The following BAG5 variants were observed in gnomAD, a reference collection of about 807,000 sequenced individuals.
BAG5 encodes the protein BAG family molecular chaperone regulator 5.
In BAG5, 25 loss-of-function variants were observed where a neutral mutation model predicts 31.8. That is an observed-to-expected ratio of 0.79 (90% CI 0.57 to 1.10). BAG5 has a LOEUF of 1.10. Ranked by LOEUF, BAG5 falls within the 50% of genes least tolerant of loss-of-function variation. The probability of loss-of-function intolerance (pLI) is 0.00; values close to 1 mark genes in which losing one functional copy is unlikely to be tolerated. For missense variants in BAG5, 491 were observed against 527.9 expected (o/e 0.93, Z 0.68); for synonymous variants, 208 against 205.0 (o/e 1.01, Z -0.13).
chr14:103,560,123 A>G lies in BAG5; in HGVS notation c.1042T>C (p.Leu348=), dbSNP rs544517247. The G allele has an allele frequency of 6.2e-6, 10 of 1,614,080 alleles. No individual in the cohort carries two copies. In the African/African-American group the frequency reaches 1.2e-4, roughly 19 times the overall value. ...TTTCTTTTCTCAAGGGCCTCCTTCA[A>G]GTCAATATATGTGATCAGAGTTTGC... The part of the protein sequence containing the change: ...EVQTLITYID[L]KEALEKRKLF... Residue 348 remains leucine, a synonymous_variant, in exon 2 of 2, where the codon TTG becomes CTG. Coordinates refer to ENST00000299204, the MANE Select transcript of BAG5 (RefSeq NM_001015048.3).
intron 1 of BAG5, chr14:103,562,109 G>C (rs530175226): frequency 1.3e-6 from 1 of 799,488 alleles, no homozygotes; most frequent in Non-Finnish European, 2.2e-6. Flanking sequence ...CCCAAAAGAA[G>C]TCTGAATTGG....
At position 103,560,147 on chromosome 14, in the gene BAG5, G is replaced by A. The variant is rs1287044236; in HGVS notation, c.1018C>T (p.Gln340Ter). Residue 340 changes from glutamine to a stop codon, truncating the protein, a stop_gained, in exon 2 of 2, where the codon CAA (glutamine) becomes TAA (stop). Coordinates refer to ENST00000299204, the MANE Select transcript of BAG5 (RefSeq NM_001015048.3). LOFTEE classifies it high-confidence loss of function. ...EARRRAVIEV[Q>*]TLITYIDLKE... ...AAGTCAATATATGTGATCAGAGTTT[G>A]CACCTCGATCACTGCTCTTCTCCTG... 8 of 1,614,020 alleles carry A rather than the reference G, an allele frequency of 5.0e-6. No individual in the cohort carries two copies. Among genetic ancestry groups the A allele is most frequent in the Non-Finnish European group, 6.8e-6 (8 of 1,180,040 alleles).
intron 1 of BAG5, 21 bp from the exon 2 acceptor site, chr14:103,561,213 T>C (rs1192999536): frequency 6.4e-7 from 1 of 1,569,016 alleles, no homozygotes; most frequent in African/African-American, 1.4e-5. Flanking sequence ...ACAAGAATGA[T>C]AACTTACTAC....
rs776411664 is a variant in BAG5, at chr14:103,561,208, AATG to A, written c.-28-19_-28-17del. The A allele has an allele frequency of 1.3e-5, 20 of 1,575,162 alleles. No individual in the cohort carries two copies. In the African/African-American group the frequency reaches 1.4e-4, roughly 11 times the overall value. ...TTCACAAGCACTAAAAGACGACAAG[AATG>A]ATAACTTACTACAGCACAAGGCTTC... On this transcript the variant is annotated splice_polypyrimidine_tract_variant and intron_variant, in intron 1 of 1. Transcript: ENST00000299204.
At position 103,560,221 on chromosome 14, in the gene BAG5, C is replaced by T. The variant is rs370529663; in HGVS notation, c.944G>A (p.Gly315Glu). The T allele has an allele frequency of 1.9e-6, 3 of 1,614,020 alleles. No homozygotes were observed. In the African/African-American group the frequency reaches 4.0e-5, roughly 22 times the overall value. The change falls in exon 2 of 2, where the codon GGA (glycine) becomes GAA (glutamate). Residue 315 changes from glycine to glutamate, a missense_variant. Physicochemically the swap from Gly to Glu is moderately conservative, Grantham distance 98. Transcript: ENST00000299204. ...SSKTELQGLI[G>E]QLDEVSLEKN... Reference sequence around the variant, plus strand: ...TTCAAGACTTACCTCATCCAACTGTCCAATTAAACCCTGCAATTCTGTTTT... The same window carrying T: ...TTCAAGACTTACCTCATCCAACTGTTCAATTAAACCCTGCAATTCTGTTTT...
In BAG5 at chr14:103,560,786, T is replaced by A; in HGVS notation, c.379A>T (p.Ile127Phe). The A allele has an allele frequency of 6.2e-7, 1 of 1,614,132 alleles. No homozygotes were observed. The highest frequency in any genetic ancestry group is 8.5e-7 in the Non-Finnish European group (1 of 1,180,030). Residue 127 changes from isoleucine (I) to phenylalanine (F), a missense_variant, in exon 2 of 2, where the codon ATC (isoleucine) becomes TTC (phenylalanine). Coordinates refer to ENST00000299204, the MANE Select transcript of BAG5 (RefSeq NM_001015048.3). The part of the protein sequence containing the change: ...NCVTDEFEEG[I>F]QDIILRLTHV... ...GTCAGCCTCAGAATGATATCTTGGA[T>A]GCCTTCTTCAAACTCATCAGTTACG...
At position 103,559,121 on chromosome 14, in the gene BAG5, G is replaced by C. The variant is rs1044744428; in HGVS notation, c.*700C>G. On this transcript the variant is annotated 3_prime_UTR_variant, in exon 2 of 2. Transcript: ENST00000299204. The stretch of plus-strand genomic sequence containing the variant: ...CAAAAGCAACTTACAAGGTATTATT[G>C]CTGGTCCTTTATCCCTTCTCTTTAA... 2 of 151,904 alleles carry C rather than the reference G, an allele frequency of 1.3e-5. No individual in the cohort carries two copies. The highest frequency in any genetic ancestry group is 4.8e-5 in the African/African-American group (2 of 41,328). The allele number at this position is 151,904 out of a possible 1,614,324, so 9.4% of individuals were successfully genotyped here.
chr14:103,562,146 G>A (rs1171615254), intron 1 of BAG5: 8 of 650,778 alleles, frequency 1.2e-5, no homozygotes, highest in East Asian at 2.7e-5. Context: ...CCGTGGCTGA[G>A]GTGGCGAGGT....
chr14:103,556,941 T>C lies in BAG5; in HGVS notation c.*2880A>G, dbSNP rs2076042447. The stretch of plus-strand genomic sequence containing the variant: ...AATTATATCAAATATATGTGCATTT[T>C]AGCAAAATAAACCACTAAACTATAC... On this transcript the variant is annotated 3_prime_UTR_variant, in exon 2 of 2. Coordinates refer to ENST00000299204, the MANE Select transcript of BAG5 (RefSeq NM_001015048.3). 6.6e-6 allele frequency: 1 copy of C among 152,252 alleles called. No individual in the cohort carries two copies. 9.4% of individuals were successfully genotyped at this position (152,252 alleles called of 1,614,324 possible). A position where few individuals can be genotyped will look rare whatever the true frequency, so the allele number is the denominator to read the frequency against.
chr14:103,558,177 T>G lies in BAG5; in HGVS notation c.*1644A>C, dbSNP rs1030805167. On this transcript the variant is annotated 3_prime_UTR_variant, in exon 2 of 2. Coordinates refer to ENST00000299204, the MANE Select transcript of BAG5 (RefSeq NM_001015048.3). Reference sequence around the variant, plus strand: ...CTCACGGCCTAAATACCGACTGCCCTCTGACCCCACCGTCCAGCGATTCTA... The same window carrying G: ...CTCACGGCCTAAATACCGACTGCCCGCTGACCCCACCGTCCAGCGATTCTA... 2.6e-5 allele frequency: 4 copies of G among 152,182 alleles called. No individual in the cohort carries two copies. Among genetic ancestry groups the G allele is most frequent in the Non-Finnish European group, 5.9e-5 (4 of 68,036 alleles). The allele number at this position is 152,182 out of a possible 1,614,324, so 9.4% of individuals were successfully genotyped here.
chr14:103,562,476 A>C, intron 1 of BAG5, 140 bp downstream of exon 1: 1 of 180,160 alleles, frequency 5.6e-6, no homozygotes, highest in Non-Finnish European at 1.2e-5. Flanking sequence ...GCCGAGACCG[A>C]CTCTGCCCTG....
chr14:103,559,879 C>G lies in BAG5; in HGVS notation c.1286G>C (p.Arg429Thr). ...ATAGCTGAGAATATTCTGCGCAAGC[C>G]TCACAGCTTGTTTCCTGGCAGCCTT... is the stretch of plus-strand genomic sequence containing the variant. ...KCKAARKQAV[R>T]LAQNILSYLD... The change falls in exon 2 of 2, where the codon AGG becomes ACG. Residue 429 changes from arginine (R) to threonine (T), a missense_variant. Physicochemically the swap from Arg to Thr is moderately conservative, Grantham distance 71 (BLOSUM62 -1). Transcript: ENST00000299204. 6.2e-7 allele frequency: 1 copy of G among 1,614,166 alleles called. No individual in the cohort carries two copies. Among genetic ancestry groups the G allele is most frequent in the Non-Finnish European group, 8.5e-7 (1 of 1,180,044 alleles).
Position 103,558,395 on chromosome 14 carries a change from AAG to A in BAG5, c.*1424_*1425del, listed in dbSNP as rs899932664. Reference sequence around the variant, plus strand: ...AGAGTTACACAATGAGCATCTCTGAAAGAGAATATTACCCTGGATTTCCAAAG... The same window carrying A: ...AGAGTTACACAATGAGCATCTCTGAAAGAATATTACCCTGGATTTCCAAAG... On this transcript the variant is annotated 3_prime_UTR_variant, in exon 2 of 2. Coordinates refer to ENST00000299204, the MANE Select transcript of BAG5 (RefSeq NM_001015048.3). The A allele has an allele frequency of 1.4e-4, 22 of 152,362 alleles. No individual in the cohort carries two copies. Among genetic ancestry groups the A allele is most frequent in the African/African-American group, 5.1e-4 (21 of 41,578 alleles). 9.4% of individuals were successfully genotyped at this position (152,362 alleles called of 1,614,324 possible). A position where few individuals can be genotyped will look rare whatever the true frequency, so the allele number is the denominator to read the frequency against.
chr14:103,560,670 G>A lies in BAG5; in HGVS notation c.495C>T (p.Asp165=), dbSNP rs1400288610. The change falls in exon 2 of 2, where the codon GAC becomes GAT. Residue 165 remains aspartate, a synonymous_variant. Coordinates refer to ENST00000299204, the MANE Select transcript of BAG5 (RefSeq NM_001015048.3). ...KICAVQEIIE[D]CMKKQPSLPL... ...GCAGGGAAGGCTGCTTTTTCATGCA[G>A]TCTTCGATTATCTCTTGCACCGCAC... 6.2e-7 allele frequency: 1 copy of A among 1,614,186 alleles called. No individual in the cohort carries two copies. Among genetic ancestry groups the A allele is most frequent in the South Asian group, 1.1e-5 (1 of 91,082 alleles).
At position 103,560,645 on chromosome 14, in the gene BAG5, G is replaced by A. The variant is rs2076065708; in HGVS notation, c.520C>T (p.Pro174Ser). 1 of 1,614,168 alleles carries A rather than the reference G, an allele frequency of 6.2e-7. No homozygotes were observed. Among genetic ancestry groups the A allele is most frequent in the East Asian group, 2.2e-5 (1 of 44,882 alleles). Residue 174 changes from proline (P) to serine (S), a missense_variant, in exon 2 of 2, where the codon CCG (proline) becomes TCG (serine). Transcript: ENST00000299204. ...EDCMKKQPSLPLSEDAHPSVA... is the reference protein window; with the variant it reads ...EDCMKKQPSLSLSEDAHPSVA... ...GAAGGATGTGCATCCTCGGAAAGCG[G>A]CAGGGAAGGCTGCTTTTTCATGCAG... is the stretch of plus-strand genomic sequence containing the variant.
rs1018237687 is a variant in BAG5 at position 103,557,702 on chromosome 14, ACTC to A, written c.*2116_*2118del. The A allele has an allele frequency of 6.6e-6, 1 of 151,610 alleles. No individual in the cohort carries two copies. Among genetic ancestry groups the A allele is most frequent in the African/African-American group, 2.4e-5 (1 of 41,184 alleles). The allele number at this position is 151,610 out of a possible 1,614,324, so 9.4% of individuals were successfully genotyped here. A position where few individuals can be genotyped will look rare whatever the true frequency, so the allele number is the denominator to read the frequency against. ...AATTAAACAGAGCTCTAATTTAAAA[ACTC>A]TTCCTGGGCTGGGCGCCGTGGCTCA... On this transcript the variant is annotated 3_prime_UTR_variant, in exon 2 of 2. Transcript: ENST00000299204.
rs1167536261 is a variant in BAG5 at position 103,559,265 on chromosome 14, TAAA to T, written c.*553_*555del. ...AAAATGCAGATGCTGTTTTTCCAAC[TAAA>T]AATGTTTACAAAAGAACAGACTGTC... is the stretch of plus-strand genomic sequence containing the variant. On this transcript the variant is annotated 3_prime_UTR_variant, in exon 2 of 2. Coordinates refer to ENST00000299204, the MANE Select transcript of BAG5 (RefSeq NM_001015048.3). The T allele has an allele frequency of 6.6e-6, 1 of 152,106 alleles. No homozygotes were observed. The highest frequency in any genetic ancestry group is 1.5e-5 in the Non-Finnish European group (1 of 68,034). The allele number at this position is 152,106 out of a possible 1,614,324, so 9.4% of individuals were successfully genotyped here.
chr14:103,557,434 G>A lies in BAG5; in HGVS notation c.*2387C>T, dbSNP rs2076045125. The A allele has an allele frequency of 6.6e-6, 1 of 152,178 alleles. No individual in the cohort carries two copies. 9.4% of individuals were successfully genotyped at this position (152,178 alleles called of 1,614,324 possible). A position where few individuals can be genotyped will look rare whatever the true frequency, so the allele number is the denominator to read the frequency against. ...ATCATTTCCATGACCAATTACCCAT[G>A]TGAACAATTCAAAATGACGGTGGAA... On this transcript the variant is annotated 3_prime_UTR_variant, in exon 2 of 2. Transcript: ENST00000299204.
chr14:103,556,933 G>A lies in BAG5; in HGVS notation c.*2888C>T, dbSNP rs1226118136. On this transcript the variant is annotated 3_prime_UTR_variant, in exon 2 of 2. Coordinates refer to ENST00000299204, the MANE Select transcript of BAG5 (RefSeq NM_001015048.3). ...TCAAACTAAATTATATCAAATATATGTGCATTTTAGCAAAATAAACCACTA... is the reference window on the plus strand; with the variant it reads ...TCAAACTAAATTATATCAAATATATATGCATTTTAGCAAAATAAACCACTA... 6.6e-6 allele frequency: 1 copy of A among 152,206 alleles called. No individual in the cohort carries two copies. Among genetic ancestry groups the A allele is most frequent in the Non-Finnish European group, 1.5e-5 (1 of 68,036 alleles). 9.4% of individuals were successfully genotyped at this position (152,206 alleles called of 1,614,324 possible).
Sources: gnomAD v4.1 joint callset for allele counts on GRCh38, gnomAD v4.1.1 for gene constraint, MANE v1.5 for transcripts, NCBI Gene and HGNC (gene_info 2026-07-23, HGNC 2026-07-21) for gene names.